CCDC7: variants seen among roughly 807,000 people sequenced by gnomAD.
The protein encoded by CCDC7 is coiled-coil domain containing 7.
CCDC7 carries 183 observed loss-of-function variants against 196.9 expected under a neutral mutation model. The observed-to-expected ratio is 0.93, with a 90% CI of 0.82 to 1.05. CCDC7 has a LOEUF of 1.05. CCDC7 is among the 50% of genes least tolerant of loss of function. The probability of loss-of-function intolerance (pLI) is 0.00; values close to 1 mark genes in which losing one functional copy is unlikely to be tolerated. For synonymous variants in CCDC7, 525 were observed against 484.6 expected (o/e 1.08, Z -1.10); for missense variants, 1,540 against 1,482.2 (o/e 1.04, Z -0.64).
At chr10:32,793,924 G>C (rs1274086727) in intron 29 of CCDC7, among the ~76,000 whole-genome samples, 1 of 152,172 alleles carries the variant, frequency 6.6e-6, no homozygotes, top group Non-Finnish European at 1.5e-5. Flanking sequence ...AGTTAGGCCT[G>C]TTTGGTCTAG....
chr10:32,466,109 G>T (rs1188914883), intron 5 of CCDC7, among the ~76,000 whole-genome samples: 1 of 152,014 alleles, frequency 6.6e-6, no homozygotes, highest in Non-Finnish European at 1.5e-5. Flanking sequence ...AATCCCCACT[G>T]CACAGTATAC....
chr10:32,458,071 CTT>C (rs2034754292), intron 3 of CCDC7, among the ~76,000 whole-genome samples: 1 of 152,046 alleles, frequency 6.6e-6, no homozygotes, highest in Non-Finnish European at 1.5e-5. Flanking sequence ...GTTGCCTATG[CTT>C]TTGAGGTCCT....
chr10:32,765,141 G>A (rs1157169052), intron 28 of CCDC7, among the ~76,000 whole-genome samples: 1 of 151,870 alleles, frequency 6.6e-6, no homozygotes, highest in Admixed American at 6.6e-5. Flanking sequence ...CTTGAAGGAA[G>A]GGTACCTTGA....
At chr10:32,624,126 T>G (rs1388920171) in intron 18 of CCDC7, among the ~76,000 whole-genome samples, 1 of 152,146 alleles carries the variant, frequency 6.6e-6, no homozygotes, top group Non-Finnish European at 1.5e-5. Flanking sequence ...AGAACATTCT[T>G]TTCTTCCTTT....
intron 1 of CCDC7, among the ~76,000 whole-genome samples, chr10:32,452,813 T>C (rs571545496): frequency 1.3e-5 from 2 of 152,320 alleles, no homozygotes; most frequent in South Asian, 4.1e-4. Flanking sequence ...TTCTATTTTT[T>C]TCACTGCAAT....
At chr10:32,642,334 C>G (rs1020729852) in intron 20 of CCDC7, among the ~76,000 whole-genome samples, 8 of 152,228 alleles carry the variant, frequency 5.3e-5, no homozygotes, top group Admixed American at 1.3e-4. Context: ...TTTACCTACT[C>G]AAGCCTTGGC....
intron 11 of CCDC7, among the ~76,000 whole-genome samples, chr10:32,520,829 T>C (rs991984953): frequency 3.3e-5 from 5 of 152,162 alleles, no homozygotes; most frequent in Admixed American, 3.3e-4. Context: ...CTCCAATGTT[T>C]TCTTGGAGTA....
At chr10:32,761,221 G>T (rs1456040910) in intron 28 of CCDC7, among the ~76,000 whole-genome samples, 2 of 151,920 alleles carry the variant, frequency 1.3e-5, no homozygotes, top group Non-Finnish European at 2.9e-5. Context: ...TCTCACTGGG[G>T]CACCCAGCAG....
At chr10:32,681,730 T>C (rs1341087642) in intron 21 of CCDC7, among the ~76,000 whole-genome samples, 1 of 128,590 alleles carries the variant, frequency 7.8e-6, no homozygotes, top group Non-Finnish European at 1.6e-5. Flanking sequence ...TCAGTGTATT[T>C]ATATGTATAC....
chr10:32,473,879 A>G, intron 7 of CCDC7, 88 bp from the exon 9 acceptor site: 5 of 1,221,124 alleles, frequency 4.1e-6, no homozygotes, highest in Non-Finnish European at 5.4e-6. Flanking sequence ...TGAATAAGTT[A>G]CTAAAATTAA....
exon 3 of CCDC7, chr10:32,456,315 C>T: frequency 6.4e-7 from 1 of 1,570,708 alleles, no homozygotes; most frequent in East Asian, 2.3e-5. Flanking sequence ...CTAGAAGAAG[C>T]ACTTAAAGAA....
chr10:32,792,026 G>A (rs11009084), intron 29 of CCDC7, among the ~76,000 whole-genome samples: 15,976 of 152,024 alleles, frequency 0.11, 1,035 homozygotes, highest in South Asian at 0.25. Flanking sequence ...GAAATCTTGC[G>A]GGCCAGCAGA....
At chr10:32,484,540 A>G (rs1386224146) in intron 8 of CCDC7, among the ~76,000 whole-genome samples, 1 of 152,122 alleles carries the variant, frequency 6.6e-6, no homozygotes, top group African/African-American at 2.4e-5. Context: ...TATGTTGAAT[A>G]GGAGTGGTGA....
chr10:32,766,253 C>CA (rs1281519166), intron 28 of CCDC7, among the ~76,000 whole-genome samples: 2 of 151,916 alleles, frequency 1.3e-5, no homozygotes, highest in African/African-American at 2.4e-5. Flanking sequence ...TCCTACTACC[C>CA]AAAAAAACAG....
At chr10:32,468,711 T>C (rs550533937) in intron 5 of CCDC7, among the ~76,000 whole-genome samples, 2 of 151,452 alleles carry the variant, frequency 1.3e-5, no homozygotes, top group African/African-American at 2.4e-5. Context: ...ATACCTGTTA[T>C]AAGTGCACAT....
At chr10:32,694,581 AC>A (rs1477527571) in intron 23 of CCDC7, among the ~76,000 whole-genome samples, 1 of 152,202 alleles carries the variant, frequency 6.6e-6, no homozygotes, top group Non-Finnish European at 1.5e-5. Flanking sequence ...ATAACATTGT[AC>A]CTATGCATTT....
intron 2 of CCDC7, among the ~76,000 whole-genome samples, chr10:32,455,472 G>T (rs2034131357): frequency 1.3e-5 from 2 of 151,824 alleles, no homozygotes; most frequent in Admixed American, 1.3e-4. Context: ...GCGGCGCCTC[G>T]CCCAGCTAAT....
At chr10:32,525,013 C>T (rs1163627847) in intron 11 of CCDC7, among the ~76,000 whole-genome samples, 1 of 151,666 alleles carries the variant, frequency 6.6e-6, no homozygotes, top group African/African-American at 2.4e-5. Context: ...CTTAAAGTGC[C>T]CTCATGAGGC....
intron 25 of CCDC7, among the ~76,000 whole-genome samples, chr10:32,718,123 G>A (rs192527313): frequency 1.5e-4 from 23 of 152,126 alleles, no homozygotes; most frequent in Middle Eastern, 3.4e-3. Flanking sequence ...ACATCGATGC[G>A]AAAATTTTAA....
Sources: allele counts gnomAD v4.1 joint callset (sites outside exome capture counted in the v4.1 genomes callset), GRCh38; gene constraint gnomAD v4.1.1; transcripts MANE v1.5; gene names NCBI Gene and HGNC (gene_info 2026-07-23, HGNC 2026-07-21).